ECT2L: variants seen among roughly 807,000 people sequenced by gnomAD.
ECT2L encodes the protein epithelial cell transforming 2 like.
Under a neutral mutation model 122.8 loss-of-function variants are expected in ECT2L, and 126 were observed. That is an observed-to-expected ratio of 1.03 (90% CI 0.89 to 1.19). ECT2L has a LOEUF of 1.19. Ranked by LOEUF, ECT2L falls within the 50% of genes most tolerant of loss-of-function variation. ECT2L has a pLI of 0.00. For missense variants in ECT2L, 1,012 were observed against 1,064.1 expected, an observed-to-expected ratio of 0.95 and a Z score of 0.68; for synonymous variants, 385 against 381.8, an observed-to-expected ratio of 1.01 and a Z score of -0.10.
At chr6:138,815,414 T>C (rs1583549943) in intron 4 of ECT2L, among the ~76,000 whole-genome samples, 1 of 152,178 alleles carries the variant, frequency 6.6e-6, no homozygotes, top group East Asian at 1.9e-4. Context: ...CCAGCTTGCC[T>C]GGGTGTGGTT....
chr6:138,857,113 C>T (rs1011453218), intron 10 of ECT2L, among the ~76,000 whole-genome samples: 1 of 152,156 alleles, frequency 6.6e-6, no homozygotes, highest in Non-Finnish European at 1.5e-5. Context: ...TAGCCCGTTG[C>T]CTTTCATCTT....
At chr6:138,889,318 CTTTTT>C (rs990377080) in intron 20 of ECT2L, among the ~76,000 whole-genome samples, 1 of 151,900 alleles carries the variant, frequency 6.6e-6, no homozygotes, top group African/African-American at 2.4e-5. Flanking sequence ...GGTCACTTTT[CTTTTT>C]TCTTTTTCTT....
chr6:138,844,615 C>T (rs369528727), intron 7 of ECT2L, 35 bp downstream of exon 7: 5 of 1,585,210 alleles, frequency 3.2e-6, no homozygotes, highest in Middle Eastern at 3.3e-4. Flanking sequence ...GGCTCAACAC[C>T]ATCCCAATAC....
intron 13 of ECT2L, among the ~76,000 whole-genome samples, chr6:138,873,905 T>C (rs948095237): frequency 6.6e-6 from 1 of 151,396 alleles, no homozygotes; most frequent in African/African-American, 2.4e-5. Flanking sequence ...TGTGTGTGTG[T>C]GTGTGTGTGT....
intron 4 of ECT2L, among the ~76,000 whole-genome samples, chr6:138,834,022 A>G (rs1162822540): frequency 6.6e-6 from 1 of 152,098 alleles, no homozygotes; most frequent in Non-Finnish European, 1.5e-5. Context: ...CATTTTCATC[A>G]CAATTTTGGC....
chr6:138,828,950 TTTCTC>T (rs1202816418), intron 4 of ECT2L, among the ~76,000 whole-genome samples: 1 of 152,134 alleles, frequency 6.6e-6, no homozygotes, highest in Non-Finnish European at 1.5e-5. Flanking sequence ...GACATGTTAA[TTTCTC>T]TTCTTTTTTT....
At chr6:138,883,004 G>A (rs1224416858) in intron 16 of ECT2L, 133 bp downstream of exon 16, 1 of 949,276 alleles carries the variant, frequency 1.1e-6, no homozygotes, top group Non-Finnish European at 1.5e-6. Context: ...CATACTGTGT[G>A]ATCTCTGAGG....
At chr6:138,876,325 T>G (rs961851038) in intron 13 of ECT2L, 147 bp from the exon 14 acceptor site, 7 of 513,558 alleles carry the variant, frequency 1.4e-5, no homozygotes, top group Non-Finnish European at 2.4e-5. Flanking sequence ...GGCATCCCAT[T>G]TGCAAGCACT....
Position 138,903,621 on chromosome 6 carries a change from A to C in ECT2L, c.*994A>C, listed in dbSNP as rs1277208290. The C allele has an allele frequency of 6.6e-6, 1 of 152,264 alleles. No homozygotes were observed. The highest frequency in any genetic ancestry group is 1.5e-5 in the Non-Finnish European group (1 of 68,040). 9.4% of individuals were successfully genotyped at this position (152,264 alleles called of 1,614,324 possible). ...TATTTTAAAAAACAAAACTAAATGGAAACAGCAAAACTTGCTTGTAATGAA... is the reference window on the plus strand; with the variant it reads ...TATTTTAAAAAACAAAACTAAATGGCAACAGCAAAACTTGCTTGTAATGAA... On this transcript the variant is annotated 3_prime_UTR_variant, in exon 22 of 22. Transcript: ENST00000541398.
rs1372950386 is a variant in ECT2L at position 138,902,899 on chromosome 6, G to A, written c.*272G>A. 1 of 360,094 alleles carries A rather than the reference G, an allele frequency of 2.8e-6. No individual in the cohort carries two copies. The highest frequency in any genetic ancestry group is 5.1e-6 in the Non-Finnish European group (1 of 196,360). 22.3% of individuals were successfully genotyped at this position (360,094 alleles called of 1,614,324 possible). A position where few individuals can be genotyped will look rare whatever the true frequency, so the allele number is the denominator to read the frequency against. On this transcript the variant is annotated 3_prime_UTR_variant, in exon 22 of 22. Transcript: ENST00000541398. Reference sequence around the variant, plus strand: ...AATATTATTTAGAGTAATTTGATGTGATGAAACCTAAGACAGAGCAAGCAC... The same window carrying A: ...AATATTATTTAGAGTAATTTGATGTAATGAAACCTAAGACAGAGCAAGCAC...
chr6:138,902,526 G>A lies in ECT2L; in HGVS notation c.2614G>A (p.Gly872Ser). 1 of 1,612,924 alleles carries A rather than the reference G, an allele frequency of 6.2e-7. No individual in the cohort carries two copies. Among genetic ancestry groups the A allele is most frequent in the South Asian group, 1.1e-5 (1 of 90,942 alleles). Reference protein sequence around the residue: ...KYVKNAFILQGPKYKWICATE... With the variant: ...KYVKNAFILQSPKYKWICATE... ...TGTCAAGAATGCATTTATTCTTCAG[G>A]GTCCAAAATATAAATGGATTTGTGC... The change falls in exon 22 of 22, where the codon GGT becomes AGT. Residue 872 changes from glycine to serine, a missense_variant. Coordinates refer to ENST00000541398, the MANE Select transcript of ECT2L (RefSeq NM_001077706.3).
chr6:138,891,415 AGAGAC>A (rs972945906), intron 20 of ECT2L, among the ~76,000 whole-genome samples: 1 of 152,172 alleles, frequency 6.6e-6, no homozygotes, highest in African/African-American at 2.4e-5. Context: ...AGGTCTGATA[AGAGAC>A]ATTTACCATC....
chr6:138,841,392 G>T (rs372561772), intron 5 of ECT2L, among the ~76,000 whole-genome samples: 1 of 152,174 alleles, frequency 6.6e-6, no homozygotes, highest in Non-Finnish European at 1.5e-5. Context: ...CTTCTGGCAC[G>T]TCTAGTGCTA....
At chr6:138,833,206 G>C (rs1204261124) in intron 4 of ECT2L, among the ~76,000 whole-genome samples, 1 of 152,146 alleles carries the variant, frequency 6.6e-6, no homozygotes, top group East Asian at 1.9e-4. Context: ...TATGGGTGGG[G>C]ACATAAAGCC....
Position 138,851,022 on chromosome 6 carries a change from A to G in ECT2L, c.1069+1588A>G, listed in dbSNP as rs368755277. On this transcript the variant is annotated intron_variant, in intron 9 of 21. Coordinates refer to ENST00000541398, the MANE Select transcript of ECT2L (RefSeq NM_001077706.3). ...AAAAAAAAAAAAAAAAAAAAAAAAA[A>G]AGAGAAAGAGAGAAAGAAAAAGAAA... 2.5e-3 allele frequency among the ~76,000 whole-genome samples: 363 copies of G among 142,440 alleles called. 4 individuals carry two copies. Among genetic ancestry groups the G allele is most frequent in the Admixed American group, 0.013 (184 of 14,212 alleles). The allele number at this position is 142,440 out of a possible 152,430, so 93.4% of individuals were successfully genotyped here. A position where few individuals can be genotyped will look rare whatever the true frequency, so the allele number is the denominator to read the frequency against.
chr6:138,819,519 T>C (rs140978340), intron 4 of ECT2L, among the ~76,000 whole-genome samples: 4 of 148,434 alleles, frequency 2.7e-5, no homozygotes, highest in Admixed American at 6.9e-5. Flanking sequence ...GATGGCTCCA[T>C]GATAGCAAAG....
intron 9 of ECT2L, among the ~76,000 whole-genome samples, chr6:138,850,813 C>A (rs967114625): frequency 6.6e-6 from 1 of 151,644 alleles, no homozygotes; most frequent in Non-Finnish European, 1.5e-5. Flanking sequence ...ACCAGCCTGA[C>A]CAACATAGAG....
chr6:138,843,199 AAAG>A lies in ECT2L; in HGVS notation c.566_568del (p.Arg189del). The A allele has an allele frequency of 6.2e-7, 1 of 1,609,842 alleles. No homozygotes were observed. Among genetic ancestry groups the A allele is most frequent in the South Asian group, 1.1e-5 (1 of 90,568 alleles). ...AGACAAAGAGAAAAGTGCCTGAGGA[AAAG>A]AATTTGGGAGAAAATTGCACTACGT... On this transcript the variant is annotated inframe_deletion, in exon 6 of 22. Transcript: ENST00000541398.
chr6:138,882,780 T>A lies in ECT2L; in HGVS notation c.1937T>A (p.Val646Glu), dbSNP rs1384204855. The A allele has an allele frequency of 7.4e-6, 12 of 1,614,206 alleles. No homozygotes were observed. Among genetic ancestry groups the A allele is most frequent in the Non-Finnish European group, 1.0e-5 (12 of 1,180,032 alleles). Residue 646 changes from valine to glutamate, a missense_variant, in exon 16 of 22, where the codon GTG becomes GAG. Physicochemically the swap from Val to Glu is moderately radical, Grantham distance 121. Coordinates refer to ENST00000541398, the MANE Select transcript of ECT2L (RefSeq NM_001077706.3). ...RLQEWGPAHC[V>E]GEIVTKFGSQ... ...CAGGAATGGGGCCCAGCTCACTGTG[T>A]GGGAGAAATAGTCACGAAGTTTGGA...
Sources: gnomAD v4.1 joint callset for allele counts (sites outside exome capture counted in the v4.1 genomes callset) on GRCh38, gnomAD v4.1.1 for gene constraint, MANE v1.5 for transcripts, NCBI Gene and HGNC (gene_info 2026-07-23, HGNC 2026-07-21) for gene names.